Variants in ZBTB25 observed in about 807,000 individuals in gnomAD.
The protein encoded by ZBTB25 is zinc finger and BTB domain containing 25, also known as zinc finger and BTB domain-containing protein 25.
In ZBTB25, 20 loss-of-function variants were observed where a neutral mutation model predicts 34.2. That is an observed-to-expected ratio of 0.58 (90% confidence interval 0.41 to 0.85). The LOEUF (loss-of-function observed/expected upper bound fraction) is 0.85, where lower values mean the gene tolerates loss of function less well. ZBTB25 is among the 40% of genes least tolerant of loss of function. ZBTB25 has a pLI of 0.00. For missense variants in ZBTB25, 437 were observed against 521.8 expected (o/e 0.84, Z 1.58); for synonymous variants, 175 against 186.4 (o/e 0.94, Z 0.50).
At chr14:64,468,717 C>T in intron 2 of ZBTB25, 1 of 1,614,104 alleles carries the variant, frequency 6.2e-7, no homozygotes, top group Non-Finnish European at 8.5e-7. Flanking sequence ...ATGCAACCTG[C>T]AATAAATGCT....
At chr14:64,456,342 T>C (rs981262854) in intron 2 of ZBTB25, among the ~76,000 whole-genome samples, 3 of 152,232 alleles carry the variant, frequency 2.0e-5, no homozygotes, top group Non-Finnish European at 4.4e-5. Flanking sequence ...GTTGGGGCCT[T>C]AACGAGACTC....
intron 2 of ZBTB25, chr14:64,463,067 T>G (rs1002946724): frequency 6.6e-6 from 1 of 152,158 alleles, no homozygotes; most frequent in Non-Finnish European, 1.5e-5. Flanking sequence ...CTCATCAGAT[T>G]GCAGAAATAC....
intron 2 of ZBTB25, among the ~76,000 whole-genome samples, chr14:64,488,383 T>C (rs1466324341): frequency 6.6e-6 from 1 of 151,096 alleles, no homozygotes; most frequent in Non-Finnish European, 1.5e-5. Context: ...ATAAAATAGG[T>C]ACCTGCTCTT....
At chr14:64,455,324 T>G (rs1346668793) in intron 2 of ZBTB25, among the ~76,000 whole-genome samples, 1 of 152,182 alleles carries the variant, frequency 6.6e-6, no homozygotes, top group East Asian at 1.9e-4. Context: ...TTCATTATTT[T>G]TAAGTAAGGA....
At chr14:64,449,513 T>C in exon 3 of ZBTB25, 1 of 1,614,170 alleles carries the variant, frequency 6.2e-7, no homozygotes, top group Non-Finnish European at 8.5e-7. Context: ...TTTGATGCCG[T>C]GAAGTGCACT....
intron 2 of ZBTB25, among the ~76,000 whole-genome samples, chr14:64,451,857 T>C (rs777402631): frequency 6.6e-6 from 1 of 152,248 alleles, no homozygotes; most frequent in African/African-American, 2.4e-5. Context: ...GAGATGCATA[T>C]GAAAATAATC....
rs565117371 is a variant in ZBTB25 at position 64,469,111 on chromosome 14, A to G, written c.174-19473T>C. ...AAGAAATTGAAACGATCAAGGAAAA[A>G]CAAGATGTTCAACCCCAGCAAGCAA... On this transcript the variant is annotated intron_variant, in intron 2 of 2. Transcript: ENST00000555220. The G allele has an allele frequency of 1.4e-5, 23 of 1,614,086 alleles. No individual in the cohort carries two copies. The South Asian group carries it at 2.5e-4, about 18-fold the overall frequency.
At chr14:64,475,765 T>C (rs1453947057), downstream of ZBTB25, among the ~76,000 whole-genome samples, 3 of 152,106 alleles carry the variant, frequency 2.0e-5, no homozygotes, top group Admixed American at 6.5e-5. Flanking sequence ...GAGGAGAGGA[T>C]GGTGTGGCGC....
intron 1 of ZBTB25, chr14:64,502,522 G>A (rs2079529992): frequency 6.5e-6 from 3 of 463,222 alleles, no homozygotes; most frequent in Non-Finnish European, 8.5e-6. Flanking sequence ...AGGGGTGGCT[G>A]GGGGGTGTAG....
chr14:64,487,683 T>C lies in ZBTB25; in HGVS notation c.548A>G (p.Gln183Arg), dbSNP rs541638469. 3.1e-6 allele frequency: 5 copies of C among 1,609,672 alleles called. No homozygotes were observed. The East Asian group carries it at 1.1e-4, about 36-fold the overall frequency. ...CTGGGTGGCAGGACAGGCCCTCTGC[T>C]GGTCTGCAGTGCCATCATCCAGACC... The part of the protein sequence containing the change: ...AIGLDDGTAD[Q>R]QRACPATQAL... The change falls in exon 3 of 3, where the codon CAG becomes CGG. Residue 183 changes from glutamine (Q) to arginine (R), a missense_variant. Gln to Arg is a conservative substitution (Grantham distance 43). Coordinates refer to ENST00000608382, the MANE Select transcript of ZBTB25 (RefSeq NM_006977.5).
downstream of ZBTB25, among the ~76,000 whole-genome samples, chr14:64,475,471 TAA>T (rs200214821): frequency 0.25 from 35,850 of 144,278 alleles, 4,924 homozygotes; most frequent in East Asian, 0.42. Flanking sequence ...CTTCTTGGTT[TAA>T]AAAAAAAAAA....
chr14:64,471,773 T>A (rs2078674936), intron 2 of ZBTB25: 1 of 167,000 alleles, frequency 6.0e-6, no homozygotes, highest in African/African-American at 2.4e-5. Flanking sequence ...TTGGAGGAAA[T>A]AATGCACATT....
chr14:64,454,131 G>T (rs1490040433), intron 2 of ZBTB25, among the ~76,000 whole-genome samples: 1 of 152,174 alleles, frequency 6.6e-6, no homozygotes, highest in African/African-American at 2.4e-5. Context: ...TTGTTATTTT[G>T]AGATAGGGTC....
intron 1 of ZBTB25, chr14:64,503,347 G>A: frequency 1.0e-6 from 1 of 985,362 alleles, no homozygotes; most frequent in Non-Finnish European, 1.2e-6. Context: ...CCTGCTGGGG[G>A]TCGCACCCGG....
upstream of ZBTB25, chr14:64,505,057 G>A (rs1343824789): frequency 1.1e-5 from 4 of 371,892 alleles, no homozygotes; most frequent in Non-Finnish European, 9.6e-6. Flanking sequence ...ATCCGTGCGG[G>A]GAGCCGGAGC....
intron 2 of ZBTB25, chr14:64,454,950 C>T: frequency 6.7e-7 from 1 of 1,486,756 alleles, no homozygotes; most frequent in Non-Finnish European, 9.4e-7. Flanking sequence ...AACCATCAAG[C>T]AAATGCCAAG....
At chr14:64,493,496 G>C (rs1300327704) in intron 1 of ZBTB25, among the ~76,000 whole-genome samples, 3 of 152,160 alleles carry the variant, frequency 2.0e-5, no homozygotes, top group Non-Finnish European at 4.4e-5. Context: ...TTAGGCGTGA[G>C]TAAAGACTGC....
chr14:64,464,027 G>C (rs1232951412), intron 2 of ZBTB25, among the ~76,000 whole-genome samples: 13 of 151,762 alleles, frequency 8.6e-5, no homozygotes, highest in Non-Finnish European at 7.4e-5. Flanking sequence ...AGTGAACAAG[G>C]CTGACTGAAT....
intron 2 of ZBTB25, chr14:64,458,222 A>G (rs1249171303): frequency 4.3e-6 from 7 of 1,610,920 alleles, no homozygotes; most frequent in Non-Finnish European, 5.1e-6. Flanking sequence ...AGATGAGCAC[A>G]ATGCCTGGAC....
Sources: gnomAD v4.1 joint callset for allele counts (sites outside exome capture counted in the v4.1 genomes callset) on GRCh38, gnomAD v4.1.1 for gene constraint, MANE v1.5 for transcripts, NCBI Gene and HGNC (gene_info 2026-07-23, HGNC 2026-07-21) for gene names.